Variants in ACAD11 observed in about 807,000 individuals in gnomAD.
The protein encoded by ACAD11 is acyl-Coenzyme A dehydrogenase family, member 11.
In ACAD11, 83 loss-of-function variants were observed where a neutral mutation model predicts 102.2. The observed-to-expected ratio is 0.81, with a 90% CI of 0.68 to 0.97. The LOEUF (loss-of-function observed/expected upper bound fraction) is 0.97, where lower values mean the gene tolerates loss of function less well. Ranked by LOEUF, ACAD11 falls within the 50% of genes least tolerant of loss-of-function variation. The pLI is 0.00. For synonymous variants in ACAD11, 324 were observed against 319.8 expected (o/e 1.01, Z -0.14); for missense variants, 901 against 951.7 (o/e 0.95, Z 0.70).
Position 132,559,915 on chromosome 3 carries a change from G to T in ACAD11, c.2146C>A (p.Arg716=). The part of the protein sequence containing the change: ...EIAMIKVAAP[R]AVSKIVDWAI... ...CAGTCAACGATTTTGCTGACAGCCC[G>T]TGGGGCAGCCACTTTGATCATTGCA... Residue 716 remains arginine, a synonymous_variant, in exon 19 of 20, where the codon CGG becomes AGG. Transcript: ENST00000264990. 2 of 1,613,168 alleles carry T rather than the reference G, an allele frequency of 1.2e-6. No individual in the cohort carries two copies. The highest frequency in any genetic ancestry group is 2.2e-5 in the South Asian group (2 of 90,962).
At chr3:132,590,310 A>G (rs959734769) in intron 13 of ACAD11, among the ~76,000 whole-genome samples, 1 of 152,106 alleles carries the variant, frequency 6.6e-6, no homozygotes, top group East Asian at 1.9e-4. Flanking sequence ...AGGCTGGAGT[A>G]GAGTGGCGCG....
chr3:132,604,948 TAA>T (rs1248152308), intron 12 of ACAD11, 148 bp downstream of exon 12: 14 of 519,700 alleles, frequency 2.7e-5, no homozygotes, highest in Non-Finnish European at 4.4e-5. Flanking sequence ...TGCCAAAATT[TAA>T]TAACAGGCTC....
intron 13 of ACAD11, among the ~76,000 whole-genome samples, chr3:132,591,060 T>C (rs1938053809): frequency 6.6e-6 from 1 of 152,198 alleles, no homozygotes; most frequent in East Asian, 1.9e-4. Flanking sequence ...TTTGGTGTCT[T>C]TGTCATGTAC....
chr3:132,633,779 C>T (rs967454159), intron 5 of ACAD11, among the ~76,000 whole-genome samples: 3 of 152,144 alleles, frequency 2.0e-5, no homozygotes, highest in Admixed American at 1.3e-4. Flanking sequence ...TGATCTCTGA[C>T]AAACCTGACA....
intron 5 of ACAD11, among the ~76,000 whole-genome samples, chr3:132,637,834 TG>T (rs1940330684): frequency 6.6e-6 from 1 of 152,212 alleles, no homozygotes; most frequent in Admixed American, 6.5e-5. Flanking sequence ...CTGGAAGGTT[TG>T]TCATTTAAAA....
chr3:132,602,553 C>CT (rs1938658092), intron 13 of ACAD11, among the ~76,000 whole-genome samples: 1 of 152,032 alleles, frequency 6.6e-6, no homozygotes. Context: ...TACAGCTTAT[C>CT]TTTTTTAAAA....
chr3:132,603,966 A>G (rs1441698649), intron 12 of ACAD11, among the ~76,000 whole-genome samples: 4 of 152,088 alleles, frequency 2.6e-5, no homozygotes, highest in African/African-American at 9.7e-5. Flanking sequence ...TGTTTCTAAA[A>G]CTTAAGACTT....
At chr3:132,608,293 A>G (rs1489528245) in intron 11 of ACAD11, among the ~76,000 whole-genome samples, 2 of 152,210 alleles carry the variant, frequency 1.3e-5, no homozygotes, top group African/African-American at 4.8e-5. Flanking sequence ...TTAAATGTAA[A>G]TGGGTTAAAT....
chr3:132,558,855 T>C lies in ACAD11; in HGVS notation c.*116A>G, dbSNP rs1056059536. Reference sequence around the variant, plus strand: ...TAGATGCTATAATCTTTACCACAAATGAATAATTAACCCTGTGCTCAAACT... The same window carrying C: ...TAGATGCTATAATCTTTACCACAAACGAATAATTAACCCTGTGCTCAAACT... On this transcript the variant is annotated 3_prime_UTR_variant, in exon 20 of 20. Coordinates refer to ENST00000264990, the MANE Select transcript of ACAD11 (RefSeq NM_032169.5). 1.4e-6 allele frequency: 1 copy of C among 716,020 alleles called. No homozygotes were observed. The highest frequency in any genetic ancestry group is 2.4e-6 in the Non-Finnish European group (1 of 424,694). 44.4% of individuals were successfully genotyped at this position (716,020 alleles called of 1,614,324 possible).
chr3:132,650,621 C>A (rs939670247), intron 1 of ACAD11, among the ~76,000 whole-genome samples: 2 of 152,004 alleles, frequency 1.3e-5, no homozygotes, highest in African/African-American at 2.4e-5. Context: ...GTAGAAAGTA[C>A]AATTCATGAT....
intron 2 of ACAD11, 36 bp downstream of exon 2, chr3:132,644,761 C>A: frequency 7.3e-7 from 1 of 1,367,866 alleles, no homozygotes; most frequent in Non-Finnish European, 1.0e-6. Flanking sequence ...ATTTATTTGT[C>A]ACCAAAGAAT....
intron 4 of ACAD11, among the ~76,000 whole-genome samples, chr3:132,640,963 A>G (rs1383848416): frequency 6.6e-6 from 1 of 152,124 alleles, no homozygotes; most frequent in Non-Finnish European, 1.5e-5. Context: ...TTAAATACTC[A>G]TTATAAGATA....
At chr3:132,656,722 C>T (rs1937826492) in intron 1 of ACAD11, among the ~76,000 whole-genome samples, 1 of 151,996 alleles carries the variant, frequency 6.6e-6, no homozygotes, top group African/African-American at 2.4e-5. Flanking sequence ...TCGAACTCGA[C>T]CTCTGGTGAT....
intron 9 of ACAD11, among the ~76,000 whole-genome samples, chr3:132,619,877 A>T (rs1034472048): frequency 1.3e-5 from 2 of 152,268 alleles, no homozygotes; most frequent in Non-Finnish European, 2.9e-5. Context: ...TTATTAATAC[A>T]TAGCTGTGCT....
At chr3:132,645,942 A>C (rs1940699564) in intron 1 of ACAD11, 1 of 152,088 alleles carries the variant, frequency 6.6e-6, no homozygotes. Context: ...GATATAGAAC[A>C]ATTTATCTTT....
chr3:132,620,891 A>C (rs1939583270), intron 9 of ACAD11, among the ~76,000 whole-genome samples: 1 of 152,200 alleles, frequency 6.6e-6, no homozygotes, highest in South Asian at 2.1e-4. Context: ...CACACACTCC[A>C]AAATTTGAAA....
chr3:132,611,705 C>G (rs1458614972), intron 11 of ACAD11, among the ~76,000 whole-genome samples: 1 of 151,992 alleles, frequency 6.6e-6, no homozygotes, highest in Non-Finnish European at 1.5e-5. Context: ...CTACAAACCA[C>G]TGCTCAATGA....
rs1940564368 is a variant in ACAD11 at position 132,642,552 on chromosome 3, G to A, written c.375+125C>T. ...GAACAAAATTGTAAACCTTTGCAAT[G>A]CAATCTAATTACCTAAAATGTTAAA... On this transcript the variant is annotated intron_variant, in intron 3 of 19. Coordinates refer to ENST00000264990, the MANE Select transcript of ACAD11 (RefSeq NM_032169.5). 9.2e-6 allele frequency: 10 copies of A among 1,090,960 alleles called. No individual in the cohort carries two copies. In the South Asian group the frequency reaches 1.8e-4, roughly 20 times the overall value. 67.6% of individuals were successfully genotyped at this position (1,090,960 alleles called of 1,614,324 possible).
At position 132,612,553 on chromosome 3, in the gene ACAD11, C is replaced by A. The variant is rs1442183980; in HGVS notation, c.1414+6081G>T. 1.1e-4 allele frequency among the ~76,000 whole-genome samples: 17 copies of A among 152,022 alleles called. No individual in the cohort carries two copies. In the East Asian group the frequency reaches 1.9e-3, roughly 17 times the overall value. Reference sequence around the variant, plus strand: ...AGAAAAAAACAAACAACCCCATCAACAAGTGGGTGAACGATATGAACAGAC... The same window carrying A: ...AGAAAAAAACAAACAACCCCATCAAAAAGTGGGTGAACGATATGAACAGAC... On this transcript the variant is annotated intron_variant, in intron 11 of 19. Transcript: ENST00000264990.
Sources: gnomAD v4.1 joint callset for allele counts (sites outside exome capture counted in the v4.1 genomes callset) on GRCh38, gnomAD v4.1.1 for gene constraint, MANE v1.5 for transcripts, NCBI Gene and HGNC (gene_info 2026-07-23, HGNC 2026-07-21) for gene names.